ODAD1: variants seen among roughly 807,000 people sequenced by gnomAD.
The protein encoded by ODAD1 is outer dynein arm-docking complex subunit 1.
ODAD1 carries 49 observed loss-of-function variants against 67.2 expected under a neutral mutation model. The ratio of observed to expected loss-of-function variants is 0.73; its 90% CI spans 0.58 to 0.92. ODAD1 has a LOEUF of 0.92. Among genes scored for constraint, ODAD1 ranks in the 40% least tolerant of loss-of-function variants. The pLI, the probability that ODAD1 is intolerant of heterozygous loss-of-function variation, is 0.00. For synonymous variants in ODAD1, 345 were observed against 393.7 expected (o/e 0.88, Z 1.46); for missense variants, 897 against 953.7 (o/e 0.94, Z 0.78).
chr19:48,303,375 T>G (rs979416010), intron 10 of ODAD1: 1 of 602,582 alleles, frequency 1.7e-6, no homozygotes, highest in African/African-American at 1.9e-5. Context: ...GGGAGAACGG[T>G]AGATATGGGT....
In ODAD1 at chr19:48,298,316, G is replaced by A. The variant is rs1160889065; in HGVS notation, c.1265C>T (p.Ala422Val). The A allele has an allele frequency of 6.2e-7, 1 of 1,614,064 alleles. No individual in the cohort carries two copies. Among genetic ancestry groups the A allele is most frequent in the Non-Finnish European group, 8.5e-7 (1 of 1,180,022 alleles). ...KADIQLLFTKAHCDSSMIDDL... is the reference protein window; with the variant it reads ...KADIQLLFTKVHCDSSMIDDL... ...ATCGATCATGCTGCTGTCGCAATGG[G>A]CCTTGGTGAAGAGGAGCTGGATATC... The change falls in exon 13 of 16, where the codon GCC becomes GTC. Residue 422 changes from alanine to valine, a missense_variant. Transcript: ENST00000674294.
intron 5 of ODAD1, among the ~76,000 whole-genome samples, chr19:48,314,894 C>T (rs367762786): frequency 4.0e-5 from 6 of 151,016 alleles, no homozygotes; most frequent in East Asian, 4.0e-4. Context: ...TGCAATGAGC[C>T]GAGATTGCAC....
At chr19:48,303,599 A>T (rs1968527903) in intron 10 of ODAD1, 51 bp downstream of exon 10, 1 of 1,610,316 alleles carries the variant, frequency 6.2e-7, no homozygotes, top group African/African-American at 1.3e-5. Flanking sequence ...CACTGGACTC[A>T]GGGGGTGCCG....
At chr19:48,307,494 C>G (rs187754467) in intron 7 of ODAD1, among the ~76,000 whole-genome samples, 58 of 152,162 alleles carry the variant, frequency 3.8e-4, no homozygotes, top group Non-Finnish European at 7.9e-4. Context: ...AGAGGAAGGG[C>G]CTCAAAGCAA....
At position 48,303,093 on chromosome 19, in the gene ODAD1, C is replaced by A. The variant is rs142193030; in HGVS notation, c.991G>T (p.Glu331Ter). Reference protein sequence around the residue: ...DLLVQKYLEIEERNFAEFNFI... With the variant: ...DLLVQKYLEI Reference sequence around the variant, plus strand: ...TTGAACTCAGCAAAGTTGCGCTCCTCGACTGGGAGAGTTGGGCAAGGCGGG... The same window carrying A: ...TTGAACTCAGCAAAGTTGCGCTCCTAGACTGGGAGAGTTGGGCAAGGCGGG... Residue 331 changes from glutamate (E) to a stop codon, truncating the protein, a stop_gained and splice_region_variant, in exon 11 of 16, where the codon GAG becomes TAG. Transcript: ENST00000674294. LOFTEE classifies it high-confidence loss of function. 6.2e-7 allele frequency: 1 copy of A among 1,613,218 alleles called. No individual in the cohort carries two copies. Among genetic ancestry groups the A allele is most frequent in the African/African-American group, 1.3e-5 (1 of 74,872 alleles).
intron 12 of ODAD1, among the ~76,000 whole-genome samples, chr19:48,300,396 G>A (rs769442514): frequency 2.0e-4 from 30 of 152,250 alleles, no homozygotes; most frequent in Non-Finnish European, 3.7e-4. Context: ...TTTGTCATAA[G>A]TCACAGACTT....
At chr19:48,317,939 G>C (rs1025809186) in intron 5 of ODAD1, among the ~76,000 whole-genome samples, 1 of 152,048 alleles carries the variant, frequency 6.6e-6, no homozygotes, top group African/African-American at 2.4e-5. Context: ...CAGGCCTGGT[G>C]GTGGGCACCT....
chr19:48,306,109 C>T (rs1240762259), intron 8 of ODAD1, 147 bp downstream of exon 8: 51 of 1,206,786 alleles, frequency 4.2e-5, no homozygotes, highest in East Asian at 3.0e-4. Flanking sequence ...GAACTGGTGG[C>T]GGGGAGAGAG....
At chr19:48,312,878 T>G (rs550335223) in intron 5 of ODAD1, among the ~76,000 whole-genome samples, 7 of 152,196 alleles carry the variant, frequency 4.6e-5, no homozygotes, top group African/African-American at 7.2e-5. Flanking sequence ...ATGAACTTGA[T>G]GACATTAGTA....
chr19:48,308,433 C>T (rs771691448), intron 7 of ODAD1, among the ~76,000 whole-genome samples: 12 of 152,218 alleles, frequency 7.9e-5, no homozygotes, highest in Non-Finnish European at 1.5e-4. Flanking sequence ...GCCTCAGCCT[C>T]CCAAAGTGCT....
chr19:48,298,314 G>C lies in ODAD1; in HGVS notation c.1267C>G (p.His423Asp). ...ADIQLLFTKA[H>D]CDSSMIDDLL... ...TCATCGATCATGCTGCTGTCGCAATGGGCCTTGGTGAAGAGGAGCTGGATA... is the reference window on the plus strand; with the variant it reads ...TCATCGATCATGCTGCTGTCGCAATCGGCCTTGGTGAAGAGGAGCTGGATA... Residue 423 changes from histidine (H) to aspartate (D), a missense_variant, in exon 13 of 16, where the codon CAT becomes GAT. Coordinates refer to ENST00000674294, the MANE Select transcript of ODAD1 (RefSeq NM_001364171.2). 1 of 1,614,178 alleles carries C rather than the reference G, an allele frequency of 6.2e-7. No homozygotes were observed.
chr19:48,318,348 C>T, intron 5 of ODAD1, 39 bp downstream of exon 5: 1 of 1,524,684 alleles, frequency 6.6e-7, no homozygotes, highest in South Asian at 1.2e-5. Context: ...CAACACTTGC[C>T]CGTAAGCAGG....
intron 7 of ODAD1, among the ~76,000 whole-genome samples, chr19:48,309,146 T>C (rs548953478): frequency 7.2e-5 from 11 of 151,946 alleles, no homozygotes; most frequent in African/African-American, 1.7e-4. Context: ...TTGGCCTCTC[T>C]CCTCTCTCAC....
chr19:48,297,649 CA>C lies in ODAD1; in HGVS notation c.1521del (p.Phe507LeufsTer9). On this transcript the variant is annotated frameshift_variant, in exon 15 of 16. Transcript: ENST00000674294. LOFTEE classifies it high-confidence loss of function. The part of the protein sequence containing the change: ...PPDTLEDPPG[F>X]EASDDYPMSR... ...CTCATGGGGTAGTCATCGCTGGCCT[CA>C]AAACCCGGGGGGTCTTCTCTGGGGA... The C allele has an allele frequency of 1.3e-6, 2 of 1,517,488 alleles. No homozygotes were observed. The highest frequency in any genetic ancestry group is 1.8e-6 in the Non-Finnish European group (2 of 1,134,710). 94.0% of individuals were successfully genotyped at this position (1,517,488 alleles called of 1,614,324 possible). A position where few individuals can be genotyped will look rare whatever the true frequency, so the allele number is the denominator to read the frequency against.
intron 3 of ODAD1, 148 bp from the exon 4 acceptor site, chr19:48,318,960 C>T (rs1481842889): frequency 4.9e-6 from 3 of 610,690 alleles, no homozygotes; most frequent in South Asian, 3.8e-5. Context: ...TAGGAATGCA[C>T]CTCAGTTCCG....
chr19:48,315,684 C>A (rs1457056002), intron 5 of ODAD1, among the ~76,000 whole-genome samples: 1 of 152,164 alleles, frequency 6.6e-6, no homozygotes, highest in African/African-American at 2.4e-5. Context: ...CCCCAGCAAT[C>A]ACTCATCTGT....
Position 48,318,041 on chromosome 19 carries a change from C to A in ODAD1, c.360+346G>T, listed in dbSNP as rs1047818494. On this transcript the variant is annotated intron_variant, in intron 5 of 15. Transcript: ENST00000674294. ...TGAGCCGAGATTGTGCCAATGCACT[C>A]CAGCCTGGGCGACAGAGCAAGACTC... 2.0e-5 allele frequency among the ~76,000 whole-genome samples: 3 copies of A among 152,084 alleles called. No individual in the cohort carries two copies. In the East Asian group the frequency reaches 5.8e-4, roughly 29 times the overall value.
Position 48,299,633 on chromosome 19 carries a change from C to A in ODAD1, c.1241-1293G>T, listed in dbSNP as rs1317886380. ...AGCCTGACCAACATGGCAAAACCCCCCTCCACTAAAAATACAAAAATTAGC... is the reference window on the plus strand; with the variant it reads ...AGCCTGACCAACATGGCAAAACCCCACTCCACTAAAAATACAAAAATTAGC... On this transcript the variant is annotated intron_variant, in intron 12 of 15. Transcript: ENST00000674294. 2.7e-5 allele frequency among the ~76,000 whole-genome samples: 4 copies of A among 150,592 alleles called. No homozygotes were observed. In the East Asian group the frequency reaches 8.0e-4, roughly 30 times the overall value.
rs1278093811 is a variant in ODAD1, at chr19:48,297,113, CTG to C, written c.1985_1986del (p.Thr662ArgfsTer12). The C allele has an allele frequency of 1.2e-6, 2 of 1,613,606 alleles. No individual in the cohort carries two copies. The highest frequency in any genetic ancestry group is 2.7e-5 in the African/African-American group (2 of 74,924). On this transcript the variant is annotated frameshift_variant, in exon 16 of 16. Coordinates refer to ENST00000674294, the MANE Select transcript of ODAD1 (RefSeq NM_001364171.2). LOFTEE classifies it low-confidence loss of function (END_TRUNC). The part of the protein sequence containing the change: ...YVGSSRGGEN[T>X]EGGVESGGTA... ...GTGCCTCCGCTCTCCACACCACCCT[CTG>C]TGTTTTCTCCGCCCCTGCTGGACCC... is the stretch of plus-strand genomic sequence containing the variant.
Sources: allele counts gnomAD v4.1 joint callset (sites outside exome capture counted in the v4.1 genomes callset), GRCh38; gene constraint gnomAD v4.1.1; transcripts MANE v1.5; gene names NCBI Gene and HGNC (gene_info 2026-07-23, HGNC 2026-07-21).